PACSIN2: variants seen among roughly 807,000 people sequenced by gnomAD.
PACSIN2 encodes protein kinase C and casein kinase substrate in neurons protein 2.
In PACSIN2, 25 loss-of-function variants were observed where a neutral mutation model predicts 63.8. The ratio of observed to expected loss-of-function variants is 0.39; its 90% confidence interval spans 0.29 to 0.55. The LOEUF (loss-of-function observed/expected upper bound fraction) is 0.55, where lower values mean the gene tolerates loss of function less well. Ranked by LOEUF, PACSIN2 falls within the 20% of genes least tolerant of loss-of-function variation. The pLI, the probability that PACSIN2 is intolerant of heterozygous loss-of-function variation, is 0.62. For missense variants in PACSIN2, 518 were observed against 646.9 expected, an observed-to-expected ratio of 0.80 and a Z score of 2.16; for synonymous variants, 255 against 256.2, an observed-to-expected ratio of 1.00 and a Z score of 0.05.
chr22:42,980,224 T>A (rs1231625129), intron 1 of PACSIN2, among the ~76,000 whole-genome samples: 1 of 152,080 alleles, frequency 6.6e-6, no homozygotes, highest in Non-Finnish European at 1.5e-5. Flanking sequence ...TTAATTAAAT[T>A]AATTAATGGC....
At position 42,871,908 on chromosome 22, in the gene PACSIN2, T is replaced by TC. The variant is rs1569197880; in HGVS notation, c.1349-440dup. ...TCTGGGGTCTCTCTGCCTTTGCTAA[T>TC]CCCTCTCCTCTGCAACTTCCAGGCT... On this transcript the variant is annotated intron_variant, in intron 10 of 10. Transcript: ENST00000263246. This position sits in a 1 kb window ranked among gnomAD's most constrained non-coding sequence, Gnocchi z 5.4. Among the ~76,000 whole-genome samples the TC allele has an allele frequency of 6.9e-6, 1 of 144,036 alleles. No homozygotes were observed. The highest frequency in any genetic ancestry group is 1.5e-5 in the Non-Finnish European group (1 of 66,884). 94.5% of individuals were successfully genotyped at this position (144,036 alleles called of 152,430 possible). A position where few individuals can be genotyped will look rare whatever the true frequency, so the allele number is the denominator to read the frequency against.
At chr22:42,902,080 G>A (rs112001207) in intron 2 of PACSIN2, among the ~76,000 whole-genome samples, 3,405 of 152,298 alleles carry the variant, frequency 0.022, 122 homozygotes, top group African/African-American at 0.079. Flanking sequence ...TGTGTGAAGG[G>A]CCACGAGGCC....
chr22:42,972,720 ACT>A (rs1194339071), intron 1 of PACSIN2, among the ~76,000 whole-genome samples: 1 of 151,350 alleles, frequency 6.6e-6, no homozygotes, highest in Non-Finnish European at 1.5e-5. Flanking sequence ...CTACTGCCTC[ACT>A]CTAAGAAAAG....
chr22:42,879,188 G>C lies in PACSIN2; in HGVS notation c.907-19C>G. On this transcript the variant is annotated intron_variant, in intron 7 of 10. Coordinates refer to ENST00000263246, the MANE Select transcript of PACSIN2 (RefSeq NM_001184970.3). ...ACCACTCCTAGGCAACAGGTGCCGA[G>C]GGAGAGAAACCAAAGGTTCACTACT... 1 of 1,609,692 alleles carries C rather than the reference G, an allele frequency of 6.2e-7. No individual in the cohort carries two copies. Among genetic ancestry groups the C allele is most frequent in the Non-Finnish European group, 8.5e-7 (1 of 1,177,838 alleles).
intron 1 of PACSIN2, among the ~76,000 whole-genome samples, chr22:42,995,930 C>T (rs1284135034): frequency 1.3e-5 from 2 of 152,052 alleles, no homozygotes; most frequent in Non-Finnish European, 2.9e-5. Context: ...TAAAAATTAG[C>T]CAGGTATTGG....
chr22:43,014,945 C>A (rs929511076), intron 1 of PACSIN2, 76 bp downstream of exon 1: 1 of 149,906 alleles, frequency 6.7e-6, no homozygotes, highest in Admixed American at 6.6e-5. Context: ...CGGGCCCGGC[C>A]GCGGACCAGC....
intron 2 of PACSIN2, among the ~76,000 whole-genome samples, chr22:42,897,731 T>TGG (rs1270101972): frequency 6.6e-6 from 1 of 152,202 alleles, no homozygotes; most frequent in Non-Finnish European, 1.5e-5. Flanking sequence ...GCACTGGAAC[T>TGG]GGGGCACTAG....
In PACSIN2 at chr22:42,884,454, T is replaced by A. The variant is rs757507925; in HGVS notation, c.717A>T (p.Lys239Asn). The change falls in exon 6 of 11, where the codon AAA becomes AAT. Residue 239 changes from lysine to asparagine, a missense_variant. Around this residue, in one of 2 missense-constraint regions of PACSIN2, gnomAD observed 507 missense variants for 612.3 expected, o/e 0.83. Transcript: ENST00000263246. ...GAACCTCCCGGAAGAAGCGAAGGCG[T>A]TTCTCCTCGAACTGCTGGCACTGCT... ...VFEQCQQFEEKRLRFFREVLL... is the reference protein window; with the variant it reads ...VFEQCQQFEENRLRFFREVLL... 1.9e-6 allele frequency: 3 copies of A among 1,614,214 alleles called. No individual in the cohort carries two copies. The highest frequency in any genetic ancestry group is 2.5e-6 in the Non-Finnish European group (3 of 1,180,032).
At chr22:42,956,374 T>C (rs753299204) in intron 1 of PACSIN2, among the ~76,000 whole-genome samples, 3 of 152,196 alleles carry the variant, frequency 2.0e-5, no homozygotes. Flanking sequence ...AGACGTCAGG[T>C]AGACACAACC....
intron 1 of PACSIN2, among the ~76,000 whole-genome samples, chr22:42,945,225 CA>C (rs5845573): frequency 0.94 from 143,137 of 152,184 alleles, 67,424 homozygotes; most frequent in Middle Eastern, 0.99. Context: ...CTGACAGAAG[CA>C]AAATCAGTGG....
At chr22:42,981,466 G>A (rs1922118454) in intron 1 of PACSIN2, among the ~76,000 whole-genome samples, 1 of 75,914 alleles carries the variant, frequency 1.3e-5, no homozygotes, top group Admixed American at 1.6e-4. Flanking sequence ...CAGCCGCCCC[G>A]TCCGGGAGGG....
chr22:42,909,871 A>G (rs1004945039), intron 2 of PACSIN2, among the ~76,000 whole-genome samples: 12 of 152,204 alleles, frequency 7.9e-5, no homozygotes, highest in Admixed American at 7.9e-4. Context: ...CAATGTCGCC[A>G]AGGGCACCGC....
chr22:42,978,630 G>A (rs529059695), intron 1 of PACSIN2, among the ~76,000 whole-genome samples: 1 of 152,312 alleles, frequency 6.6e-6, no homozygotes, highest in East Asian at 1.9e-4. Flanking sequence ...GTTGTGGGAG[G>A]CAGTCGGGCA....
intron 1 of PACSIN2, among the ~76,000 whole-genome samples, chr22:42,982,777 T>C (rs1343831456): frequency 7.2e-6 from 1 of 138,504 alleles, no homozygotes. Context: ...CCAGAGACCT[T>C]TGTTCACTTG....
rs182553947 is a variant in PACSIN2, at chr22:42,894,366, C to T, written c.61-753G>A. ...AGTGATTCTTCTGCCTCAGCCTCCT[C>T]AGTAGCTGGGACTACAGGCACGCAT... On this transcript the variant is annotated intron_variant, in intron 2 of 10. Transcript: ENST00000263246. Among the ~76,000 whole-genome samples the T allele has an allele frequency of 4.6e-3, 695 of 152,190 alleles. 1 individual carries two copies. The highest frequency in any genetic ancestry group is 0.02 in the Middle Eastern group (6 of 294).
Position 42,893,509 on chromosome 22 carries a change from A to G in PACSIN2, c.165T>C (p.Tyr55=). ...GGGCCCACTCAGTGAGCTGCTGCGC[A>G]TACGCCTTCTCGATGCGCGCCCGCT... The part of the protein sequence containing the change: ...LHERARIEKA[Y]AQQLTEWARR... Residue 55 remains tyrosine, a synonymous_variant, in exon 3 of 11, where the codon TAT becomes TAC. Coordinates refer to ENST00000263246, the MANE Select transcript of PACSIN2 (RefSeq NM_001184970.3). 6.2e-7 allele frequency: 1 copy of G among 1,614,084 alleles called. No homozygotes were observed. The highest frequency in any genetic ancestry group is 8.5e-7 in the Non-Finnish European group (1 of 1,180,048).
At chr22:42,961,062 T>C (rs1369963923) in intron 1 of PACSIN2, among the ~76,000 whole-genome samples, 1 of 152,146 alleles carries the variant, frequency 6.6e-6, no homozygotes, top group African/African-American at 2.4e-5. Flanking sequence ...GCAGGGCCAG[T>C]TCAGGGCGGT....
At chr22:42,917,072 A>G (rs972759351) in intron 1 of PACSIN2, among the ~76,000 whole-genome samples, 14 of 152,168 alleles carry the variant, frequency 9.2e-5, no homozygotes, top group Non-Finnish European at 2.1e-4. Flanking sequence ...CTCATGTGCC[A>G]GACACTGCGC....
intron 1 of PACSIN2, among the ~76,000 whole-genome samples, chr22:42,986,674 G>A (rs547052493): frequency 1.3e-5 from 2 of 152,264 alleles, no homozygotes; most frequent in African/African-American, 4.8e-5. Context: ...AGGGCAGAGA[G>A]CAACATCAGT....
Sources: allele counts gnomAD v4.1 joint callset (sites outside exome capture counted in the v4.1 genomes callset), GRCh38; gene constraint gnomAD v4.1.1; regional missense constraint gnomAD v4.1.1; non-coding constraint Gnocchi (gnomAD v3.1); transcripts MANE v1.5; gene names NCBI Gene and HGNC (gene_info 2026-07-23, HGNC 2026-07-21).